Variants in ZNF804B observed in about 807,000 individuals in gnomAD.
The protein encoded by ZNF804B is zinc finger 804B.
Under a neutral mutation model 101.4 loss-of-function variants are expected in ZNF804B, and 80 were observed. That is an observed-to-expected ratio of 0.79 (90% confidence interval 0.66 to 0.95). The LOEUF (loss-of-function observed/expected upper bound fraction) is 0.95. Ranked by LOEUF, ZNF804B falls within the 40% of genes least tolerant of loss-of-function variation. The pLI, the probability that ZNF804B is intolerant of heterozygous loss-of-function variation, is 0.00. For synonymous variants in ZNF804B, 622 were observed against 558.8 expected (o/e 1.11, Z -1.59); for missense variants, 1,673 against 1,561.9 (o/e 1.07, Z -1.20).
At chr7:89,211,081 C>T (rs776699418) in intron 1 of ZNF804B, among the ~76,000 whole-genome samples, 3 of 152,158 alleles carry the variant, frequency 2.0e-5, no homozygotes, top group Non-Finnish European at 2.9e-5. Flanking sequence ...ACTTGCATTT[C>T]TCTAATGATC....
rs1456362971 is a variant in ZNF804B at position 89,336,801 on chromosome 7, T to C, written c.3819T>C (p.Ala1273=). 6.2e-7 allele frequency: 1 copy of C among 1,613,958 alleles called. No homozygotes were observed. The highest frequency in any genetic ancestry group is 8.5e-7 in the Non-Finnish European group (1 of 1,180,012). Residue 1273 remains alanine (A), a synonymous_variant, in exon 4 of 4, where the codon GCT becomes GCC. Coordinates refer to ENST00000333190, the MANE Select transcript of ZNF804B (RefSeq NM_181646.5). ...LAGHPLHLVA[A]TPFHPSHITL... ...GTCATCCCCTGCATTTAGTAGCTGC[T>C]ACCCCCTTCCACCCATCTCACATAA...
At chr7:89,122,547 G>A (rs573953106) in intron 1 of ZNF804B, among the ~76,000 whole-genome samples, 29 of 152,174 alleles carry the variant, frequency 1.9e-4, no homozygotes, top group African/African-American at 7.0e-4. Context: ...CTTTCAATGG[G>A]GGCCATCCAT....
chr7:88,935,872 TCTTTTCTTGTTTC>T (rs1031500303), intron 1 of ZNF804B, among the ~76,000 whole-genome samples: 1 of 151,868 alleles, frequency 6.6e-6, no homozygotes, highest in Non-Finnish European at 1.5e-5. Flanking sequence ...TTTCTCTGCT[TCTTTTCTTGTTTC>T]CTTTTCTTTC....
At chr7:89,086,181 C>T in intron 1 of ZNF804B, among the ~76,000 whole-genome samples, 1 of 151,908 alleles carries the variant, frequency 6.6e-6, no homozygotes, top group Admixed American at 6.6e-5. Context: ...GCTTTAACTG[C>T]AGTTTTCTAA....
chr7:88,905,875 T>C (rs1048954234), intron 1 of ZNF804B, among the ~76,000 whole-genome samples: 1 of 150,794 alleles, frequency 6.6e-6, no homozygotes, highest in Admixed American at 6.6e-5. Flanking sequence ...AATTCAGCTG[T>C]TAATCCATTT....
chr7:89,021,566 C>T (rs924467728), intron 1 of ZNF804B, among the ~76,000 whole-genome samples: 1 of 152,176 alleles, frequency 6.6e-6, no homozygotes, highest in Non-Finnish European at 1.5e-5. Flanking sequence ...GGCACAGGTA[C>T]ATCACTGCTA....
At chr7:89,071,751 AAGT>A (rs1042280699) in intron 1 of ZNF804B, among the ~76,000 whole-genome samples, 41 of 150,334 alleles carry the variant, frequency 2.7e-4, no homozygotes, top group African/African-American at 8.7e-4. Context: ...GAGATTTTTC[AAGT>A]AGTAGATATT....
intron 1 of ZNF804B, among the ~76,000 whole-genome samples, chr7:88,925,793 T>A (rs1283097254): frequency 6.6e-6 from 1 of 152,046 alleles, no homozygotes; most frequent in Non-Finnish European, 1.5e-5. Flanking sequence ...CAGTCCAGTG[T>A]CAATGGCAAA....
At chr7:89,064,833 C>A (rs752978583) in intron 1 of ZNF804B, among the ~76,000 whole-genome samples, 4 of 152,084 alleles carry the variant, frequency 2.6e-5, no homozygotes, top group African/African-American at 9.7e-5. Flanking sequence ...AAGCAGAATT[C>A]GATTGTCTGG....
At chr7:89,268,191 A>T (rs543977237) in intron 2 of ZNF804B, among the ~76,000 whole-genome samples, 2 of 152,264 alleles carry the variant, frequency 1.3e-5, no homozygotes, top group South Asian at 4.1e-4. Flanking sequence ...CTTTGACATT[A>T]TTCAATGCTG....
At chr7:89,017,040 G>A (rs1400915131) in intron 1 of ZNF804B, among the ~76,000 whole-genome samples, 3 of 152,136 alleles carry the variant, frequency 2.0e-5, no homozygotes, top group African/African-American at 7.2e-5. Flanking sequence ...TCTCCTTGAA[G>A]AGGTCCTTCA....
chr7:89,014,305 T>G (rs560651493), intron 1 of ZNF804B, among the ~76,000 whole-genome samples: 1 of 152,168 alleles, frequency 6.6e-6, no homozygotes, highest in South Asian at 2.1e-4. Context: ...TGATTAGTGA[T>G]TGAACTTTGT....
intron 1 of ZNF804B, among the ~76,000 whole-genome samples, chr7:88,825,518 A>G (rs1791039780): frequency 1.4e-5 from 2 of 138,572 alleles, no homozygotes; most frequent in Admixed American, 1.5e-4. Context: ...TCACATGTAC[A>G]GTTTCCCACA....
At chr7:88,944,199 A>G (rs1369508585) in intron 1 of ZNF804B, among the ~76,000 whole-genome samples, 1 of 151,748 alleles carries the variant, frequency 6.6e-6, no homozygotes, top group Non-Finnish European at 1.5e-5. Flanking sequence ...TGGCTATATC[A>G]TGTTGCACTC....
At chr7:89,004,618 T>G (rs2116179188) in intron 1 of ZNF804B, among the ~76,000 whole-genome samples, 1 of 151,972 alleles carries the variant, frequency 6.6e-6, no homozygotes, top group African/African-American at 2.4e-5. Flanking sequence ...TCCATCAATT[T>G]TTGCTTCTTT....
intron 1 of ZNF804B, among the ~76,000 whole-genome samples, chr7:89,204,832 C>T (rs915081946): frequency 1.3e-5 from 2 of 152,158 alleles, no homozygotes; most frequent in Non-Finnish European, 2.9e-5. Context: ...AAAGCAAGTA[C>T]ACATAGTTCC....
chr7:89,215,160 T>C (rs1788871056), intron 1 of ZNF804B, among the ~76,000 whole-genome samples: 1 of 152,194 alleles, frequency 6.6e-6, no homozygotes. Flanking sequence ...AAGATAAGAA[T>C]ATCTGCATAA....
chr7:89,205,459 A>T (rs1788701640), intron 1 of ZNF804B, among the ~76,000 whole-genome samples: 1 of 152,232 alleles, frequency 6.6e-6, no homozygotes, highest in South Asian at 2.1e-4. Flanking sequence ...TACTTCCTAG[A>T]TACAAAGTGG....
intron 2 of ZNF804B, among the ~76,000 whole-genome samples, chr7:89,305,389 A>C (rs1219593585): frequency 6.6e-6 from 1 of 152,008 alleles, no homozygotes. Context: ...TCTGAGATCA[A>C]GAAATTACTA....
Sources: gnomAD v4.1 joint callset for allele counts (sites outside exome capture counted in the v4.1 genomes callset) on GRCh38, gnomAD v4.1.1 for gene constraint, MANE v1.5 for transcripts, NCBI Gene and HGNC (gene_info 2026-07-23, HGNC 2026-07-21) for gene names.